The following MNAT1 variants were observed in gnomAD, a reference collection of about 807,000 sequenced individuals.
The protein encoded by MNAT1 is MNAT1 component of CDK activating kinase, also known as CDK-activating kinase assembly factor MAT1.
MNAT1 carries 43 observed loss-of-function variants against 42.0 expected under a neutral mutation model. The observed-to-expected ratio is 1.02, with a 90% CI of 0.80 to 1.32. The LOEUF is 1.32. Among genes scored for constraint, MNAT1 ranks in the 40% most tolerant of loss-of-function variants. MNAT1 has a pLI of 0.00. For synonymous variants in MNAT1, 118 were observed against 120.0 expected, an observed-to-expected ratio of 0.98 and a Z score of 0.11; for missense variants, 306 against 350.4, an observed-to-expected ratio of 0.87 and a Z score of 1.01.
chr14:60,812,318 A>G (rs1356424886), intron 5 of MNAT1, among the ~76,000 whole-genome samples, 191 bp downstream of exon 5: 3 of 152,214 alleles, frequency 2.0e-5, no homozygotes, highest in Non-Finnish European at 4.4e-5. Flanking sequence ...TCCACACTGA[A>G]CAATATGTTT....
intron 7 of MNAT1, among the ~76,000 whole-genome samples, chr14:60,949,253 C>T (rs998906509): frequency 2.0e-5 from 3 of 152,024 alleles, no homozygotes; most frequent in Non-Finnish European, 4.4e-5. Flanking sequence ...GTAGCGGGTT[C>T]TCTCCAAAGC....
At chr14:60,951,263 T>TC (rs1414079506) in intron 7 of MNAT1, among the ~76,000 whole-genome samples, 2 of 85,988 alleles carry the variant, frequency 2.3e-5, no homozygotes, top group Non-Finnish European at 4.7e-5. Context: ...AGGCTTCCCC[T>TC]CCCTTTTTTT....
At chr14:60,915,846 CCTCAAACTT>C (rs1181161763) in intron 7 of MNAT1, among the ~76,000 whole-genome samples, 1 of 152,146 alleles carries the variant, frequency 6.6e-6, no homozygotes, top group African/African-American at 2.4e-5. Flanking sequence ...TTGAATTTTA[CCTCAAACTT>C]AACTTAAAAA....
chr14:60,855,162 C>T (rs929791380), intron 6 of MNAT1, among the ~76,000 whole-genome samples: 3 of 152,172 alleles, frequency 2.0e-5, no homozygotes, highest in Non-Finnish European at 4.4e-5. Flanking sequence ...TACCTCTCCC[C>T]GCACCAAGCT....
At chr14:60,763,139 A>G (rs2030678518) in intron 1 of MNAT1, among the ~76,000 whole-genome samples, 1 of 152,196 alleles carries the variant, frequency 6.6e-6, no homozygotes, top group African/African-American at 2.4e-5. Context: ...GAAAAAAGTC[A>G]TGCGTAGGGA....
chr14:60,852,112 G>C (rs965719324), intron 6 of MNAT1, among the ~76,000 whole-genome samples: 2 of 152,162 alleles, frequency 1.3e-5, no homozygotes, highest in African/African-American at 4.8e-5. Flanking sequence ...TTGCCACACT[G>C]TCTTCCACAA....
intron 1 of MNAT1, among the ~76,000 whole-genome samples, chr14:60,770,276 A>G (rs1022532148): frequency 6.6e-6 from 1 of 152,154 alleles, no homozygotes; most frequent in Non-Finnish European, 1.5e-5. Context: ...CTTTTTTAAA[A>G]GGTGCATAAT....
rs368710829 is a variant in MNAT1, at chr14:60,762,700, T to C, written c.89+27749T>C. Reference sequence around the variant, plus strand: ...CATTCTGGGCAACAGAGCGAGACTCTGTCTCAAAAAAAAAAAAAAAAAAAA... The same window carrying C: ...CATTCTGGGCAACAGAGCGAGACTCCGTCTCAAAAAAAAAAAAAAAAAAAA... On this transcript the variant is annotated intron_variant, in intron 1 of 7. Transcript: ENST00000261245. Among the ~76,000 whole-genome samples, 533 of 81,132 alleles carry C rather than the reference T, an allele frequency of 6.6e-3. 2 individuals are homozygous for C. Among genetic ancestry groups the C allele is most frequent in the African/African-American group, 0.023 (503 of 21,978 alleles). 53.2% of individuals were successfully genotyped at this position (81,132 alleles called of 152,430 possible).
chr14:60,866,840 T>C (rs1488669621), intron 6 of MNAT1, among the ~76,000 whole-genome samples: 1 of 152,096 alleles, frequency 6.6e-6, no homozygotes, highest in African/African-American at 2.4e-5. Context: ...CTAATTTTTT[T>C]CCAACCTTTT....
intron 1 of MNAT1, among the ~76,000 whole-genome samples, chr14:60,737,437 A>G (rs1384475530): frequency 6.6e-6 from 1 of 152,020 alleles, no homozygotes; most frequent in Non-Finnish European, 1.5e-5. Context: ...CATTATGTAT[A>G]TTGGATAATC....
At chr14:60,913,060 C>T (rs963810282) in intron 7 of MNAT1, among the ~76,000 whole-genome samples, 4 of 152,168 alleles carry the variant, frequency 2.6e-5, no homozygotes, top group African/African-American at 9.7e-5. Context: ...TCTCTTCACG[C>T]TTCATTTCAT....
intron 7 of MNAT1, among the ~76,000 whole-genome samples, chr14:60,912,328 G>A (rs376386616): frequency 2.0e-5 from 3 of 151,974 alleles, no homozygotes; most frequent in African/African-American, 7.3e-5. Flanking sequence ...TACATTTAAG[G>A]TTAATATTGT....
At chr14:60,792,458 TAA>T (rs2031859598) in intron 1 of MNAT1, among the ~76,000 whole-genome samples, 1 of 152,164 alleles carries the variant, frequency 6.6e-6, no homozygotes, top group African/African-American at 2.4e-5. Flanking sequence ...GAATTTATTG[TAA>T]AAATAAAATT....
intron 1 of MNAT1, among the ~76,000 whole-genome samples, chr14:60,787,655 C>T (rs1372813966): frequency 6.6e-6 from 1 of 152,198 alleles, no homozygotes; most frequent in Non-Finnish European, 1.5e-5. Flanking sequence ...CTTGCCACAG[C>T]TTTATCAACT....
At chr14:60,886,674 C>G in intron 7 of MNAT1, among the ~76,000 whole-genome samples, 1 of 150,536 alleles carries the variant, frequency 6.6e-6, no homozygotes, top group East Asian at 1.9e-4. Flanking sequence ...TTTTCAGATA[C>G]TTCACTATTA....
intron 1 of MNAT1, among the ~76,000 whole-genome samples, chr14:60,788,803 G>A (rs949575590): frequency 6.6e-6 from 1 of 152,192 alleles, no homozygotes; most frequent in Non-Finnish European, 1.5e-5. Flanking sequence ...ATTGAAGAGA[G>A]TTAGGTATTA....
intron 1 of MNAT1, among the ~76,000 whole-genome samples, chr14:60,744,102 GT>G (rs1896547746): frequency 6.6e-6 from 1 of 152,072 alleles, no homozygotes. Context: ...GTCTGTAAGA[GT>G]TAACTCCTTG....
At chr14:60,949,611 A>G (rs925906610) in intron 7 of MNAT1, among the ~76,000 whole-genome samples, 1 of 152,190 alleles carries the variant, frequency 6.6e-6, no homozygotes, top group Admixed American at 6.5e-5. Flanking sequence ...TACTGAAAAT[A>G]ATGCTACAAT....
chr14:60,963,163 G>A (rs1165848277), intron 7 of MNAT1, among the ~76,000 whole-genome samples: 1 of 151,994 alleles, frequency 6.6e-6, no homozygotes, highest in Non-Finnish European at 1.5e-5. Flanking sequence ...TGTATTTTTA[G>A]TAGATTCGGG....
Sources: gnomAD v4.1 joint callset for allele counts (sites outside exome capture counted in the v4.1 genomes callset) on GRCh38, gnomAD v4.1.1 for gene constraint, MANE v1.5 for transcripts, NCBI Gene and HGNC (gene_info 2026-07-23, HGNC 2026-07-21) for gene names.